CTNNA3: variants seen among roughly 807,000 people sequenced by gnomAD.
CTNNA3 encodes the protein catenin alpha 3, also known as catenin alpha-3.
In CTNNA3, 76 loss-of-function variants were observed where a neutral mutation model predicts 95.7. The observed-to-expected ratio is 0.79, with a 90% confidence interval of 0.66 to 0.96. The LOEUF (loss-of-function observed/expected upper bound fraction) is 0.96, where lower values mean the gene tolerates loss of function less well. CTNNA3 is among the 40% of genes least tolerant of loss of function. The pLI, the probability that CTNNA3 is intolerant of heterozygous loss-of-function variation, is 0.00. For missense variants in CTNNA3, 1,191 were observed against 1,089.8 expected, an observed-to-expected ratio of 1.09 and a Z score of -1.31; for synonymous variants, 431 against 374.4, an observed-to-expected ratio of 1.15 and a Z score of -1.74.
At chr10:67,484,556 G>A (rs1848372022) in intron 5 of CTNNA3, among the ~76,000 whole-genome samples, 1 of 152,142 alleles carries the variant, frequency 6.6e-6, no homozygotes, top group Non-Finnish European at 1.5e-5. Context: ...CTAGGCATCT[G>A]ACAAAGGTCT....
At chr10:67,271,746 A>G (rs1395248620) in intron 5 of CTNNA3, among the ~76,000 whole-genome samples, 1 of 152,212 alleles carries the variant, frequency 6.6e-6, no homozygotes, top group East Asian at 1.9e-4. Context: ...AGTAGAAGTA[A>G]GCAAAGATTG....
chr10:67,055,832 C>T (rs566924315), intron 7 of CTNNA3, among the ~76,000 whole-genome samples: 2 of 152,230 alleles, frequency 1.3e-5, no homozygotes, highest in South Asian at 2.1e-4. Context: ...ACCTCCATAT[C>T]CCTAATGATA....
chr10:67,650,543 C>T (rs970205025), intron 1 of CTNNA3, among the ~76,000 whole-genome samples: 3 of 152,192 alleles, frequency 2.0e-5, no homozygotes, highest in South Asian at 2.1e-4. Context: ...CTATCTTTGT[C>T]TGCAATGACT....
intron 7 of CTNNA3, among the ~76,000 whole-genome samples, chr10:66,886,386 T>C (rs1277767442): frequency 1.3e-5 from 2 of 152,110 alleles, no homozygotes; most frequent in East Asian, 3.9e-4. Flanking sequence ...TGTATTCAGG[T>C]ATCTTCACTC....
chr10:67,648,345 C>T (rs983539188), intron 1 of CTNNA3, among the ~76,000 whole-genome samples: 4 of 152,152 alleles, frequency 2.6e-5, no homozygotes, highest in African/African-American at 4.8e-5. Context: ...CTAAAAACTA[C>T]AGTAAGTGTT....
intron 7 of CTNNA3, among the ~76,000 whole-genome samples, chr10:66,882,208 G>A (rs758242569): frequency 3.9e-5 from 6 of 152,036 alleles, no homozygotes; most frequent in Non-Finnish European, 8.8e-5. Flanking sequence ...AAAGGGTGGA[G>A]ACTTCATTAC....
chr10:66,311,900 G>A (rs1275043163), intron 12 of CTNNA3, among the ~76,000 whole-genome samples: 4 of 152,116 alleles, frequency 2.6e-5, no homozygotes, highest in Non-Finnish European at 5.9e-5. Flanking sequence ...TAAAAGCCAT[G>A]TTCTATCTTC....
At chr10:67,301,814 C>A (rs1191820289) in intron 5 of CTNNA3, among the ~76,000 whole-genome samples, 1 of 151,672 alleles carries the variant, frequency 6.6e-6, no homozygotes, top group East Asian at 1.9e-4. Flanking sequence ...TAAAAATACA[C>A]AAAAATTAGC....
intron 11 of CTNNA3, among the ~76,000 whole-genome samples, chr10:66,395,880 A>G (rs919111155): frequency 9.2e-5 from 14 of 151,766 alleles, no homozygotes; most frequent in African/African-American, 3.4e-4. Context: ...CATACCCATC[A>G]CCCACGTAGC....
At chr10:66,221,023 A>G (rs2088900387) in intron 13 of CTNNA3, among the ~76,000 whole-genome samples, 1 of 152,152 alleles carries the variant, frequency 6.6e-6, no homozygotes, top group Non-Finnish European at 1.5e-5. Flanking sequence ...TCTACCCAGT[A>G]TTTCCCTGCC....
At chr10:66,870,942 T>C (rs1442332789) in intron 7 of CTNNA3, among the ~76,000 whole-genome samples, 1 of 152,130 alleles carries the variant, frequency 6.6e-6, no homozygotes, top group Non-Finnish European at 1.5e-5. Flanking sequence ...TATGCAAAAG[T>C]TCAAGGGAAA....
At chr10:67,001,539 T>G (rs555990699) in intron 7 of CTNNA3, among the ~76,000 whole-genome samples, 1 of 151,458 alleles carries the variant, frequency 6.6e-6, no homozygotes, top group Non-Finnish European at 1.5e-5. Context: ...CAGCTTGAAG[T>G]AAAACTTTCT....
intron 11 of CTNNA3, among the ~76,000 whole-genome samples, chr10:66,454,529 C>A (rs2093483508): frequency 6.6e-6 from 1 of 151,974 alleles, no homozygotes; most frequent in South Asian, 2.1e-4. Flanking sequence ...TACCAAAATT[C>A]AATTAAGAAG....
At chr10:67,295,519 A>G (rs1185206766) in intron 5 of CTNNA3, among the ~76,000 whole-genome samples, 5 of 152,210 alleles carry the variant, frequency 3.3e-5, no homozygotes, top group Non-Finnish European at 1.5e-5. Context: ...TTACTCCAGG[A>G]GTTTTTCAAG....
At chr10:66,181,100 A>G (rs1589656937) in intron 13 of CTNNA3, among the ~76,000 whole-genome samples, 2 of 130,566 alleles carry the variant, frequency 1.5e-5, no homozygotes, top group Non-Finnish European at 1.8e-5. Context: ...TCAAAACACT[A>G]TGAGTACAAA....
At chr10:66,197,353 T>C (rs1291461663) in intron 13 of CTNNA3, among the ~76,000 whole-genome samples, 1 of 151,712 alleles carries the variant, frequency 6.6e-6, no homozygotes, top group African/African-American at 2.4e-5. Flanking sequence ...TATCTATCTA[T>C]CTATCTATCT....
intron 7 of CTNNA3, among the ~76,000 whole-genome samples, chr10:66,884,316 A>G (rs1156781144): frequency 6.6e-6 from 1 of 152,068 alleles, no homozygotes; most frequent in Admixed American, 6.6e-5. Flanking sequence ...TCCCTTCAAG[A>G]GTGGAGCTTA....
At chr10:67,219,955 A>G in intron 5 of CTNNA3, 85 bp from the exon 6 acceptor site, 3 of 1,103,934 alleles carry the variant, frequency 2.7e-6, no homozygotes, top group Non-Finnish European at 3.9e-6. Flanking sequence ...TTTTGTAAGT[A>G]TAAATGAAAA....
chr10:67,397,751 C>T (rs1241369886), intron 5 of CTNNA3, among the ~76,000 whole-genome samples: 1 of 152,174 alleles, frequency 6.6e-6, no homozygotes, highest in African/African-American at 2.4e-5. Context: ...GCCCAGGGCC[C>T]CCCTGCTGTA....
Sources: allele counts gnomAD v4.1 joint callset (sites outside exome capture counted in the v4.1 genomes callset), GRCh38; gene constraint gnomAD v4.1.1; transcripts MANE v1.5; gene names NCBI Gene and HGNC (gene_info 2026-07-23, HGNC 2026-07-21).